Variants in AQP7 observed in about 807,000 individuals in gnomAD.
The protein encoded by AQP7 is aquaporin-7.
Under a neutral mutation model 26.1 loss-of-function variants are expected in AQP7, and 22 were observed. That is an observed-to-expected ratio of 0.84 (90% CI 0.60 to 1.20). The LOEUF is 1.20. AQP7 is among the 50% of genes most tolerant of loss of function. The pLI, the probability that AQP7 is intolerant of heterozygous loss-of-function variation, is 0.00. For missense variants in AQP7, 412 were observed against 457.5 expected (o/e 0.90, Z 0.91); for synonymous variants, 167 against 181.7 (o/e 0.92, Z 0.65).
In AQP7 at chr9:33,384,043, G is replaced by A. The variant is rs1297377023; in HGVS notation, c.*962C>T. The A allele has an allele frequency of 6.6e-6, 1 of 152,268 alleles. No homozygotes were observed. Among genetic ancestry groups the A allele is most frequent in the Non-Finnish European group, 1.5e-5 (1 of 68,078 alleles). The allele number at this position is 152,268 out of a possible 1,614,324, so 9.4% of individuals were successfully genotyped here. ...AGTAGATGCACAATAATTATTGAAA[G>A]GCAAAATGCATGAGCAAGGACAGGA... On this transcript the variant is annotated 3_prime_UTR_variant, in exon 8 of 8. Coordinates refer to ENST00000297988, the MANE Select transcript of AQP7 (RefSeq NM_001170.3).
Position 33,384,064 on chromosome 9 carries a change from C to G in AQP7, c.*941G>C, listed in dbSNP as rs921920650. On this transcript the variant is annotated 3_prime_UTR_variant, in exon 8 of 8. Coordinates refer to ENST00000297988, the MANE Select transcript of AQP7 (RefSeq NM_001170.3). ...GAAAGGCAAAATGCATGAGCAAGGA[C>G]AGGAACCATGGGTGATGCTGCCTTC... 3 of 152,298 alleles carry G rather than the reference C, an allele frequency of 2.0e-5. No homozygotes were observed. The highest frequency in any genetic ancestry group is 7.2e-5 in the African/African-American group (3 of 41,464). The allele number at this position is 152,298 out of a possible 1,614,324, so 9.4% of individuals were successfully genotyped here. A position where few individuals can be genotyped will look rare whatever the true frequency, so the allele number is the denominator to read the frequency against.
intron 2 of AQP7, among the ~76,000 whole-genome samples, chr9:33,398,468 G>T (rs1440086388): frequency 6.6e-6 from 1 of 152,238 alleles, no homozygotes; most frequent in Non-Finnish European, 1.5e-5. Context: ...GATGGGTGGA[G>T]AAGTGGCGGC....
At chr9:33,393,561 C>G (rs944619060) in intron 3 of AQP7, among the ~76,000 whole-genome samples, 1 of 152,220 alleles carries the variant, frequency 6.6e-6, no homozygotes, top group African/African-American at 2.4e-5. Flanking sequence ...AGAGGCTGCC[C>G]CTTCTTTCTC....
At chr9:33,394,551 G>A (rs1825692456) in intron 3 of AQP7, among the ~76,000 whole-genome samples, 1 of 146,764 alleles carries the variant, frequency 6.8e-6, no homozygotes, top group Admixed American at 6.9e-5. Flanking sequence ...AGGCTGGAGT[G>A]CAATGGTGTG....
At position 33,395,179 on chromosome 9, in the gene AQP7, T is replaced by C. The variant is rs758186124; in HGVS notation, c.43A>G (p.Lys15Glu). 6.2e-7 allele frequency: 1 copy of C among 1,613,940 alleles called. No homozygotes were observed. The highest frequency in any genetic ancestry group is 2.2e-5 in the East Asian group (1 of 44,872). Residue 15 changes from lysine to glutamate, a missense_variant, in exon 3 of 8, where the codon AAA becomes GAA. Transcript: ENST00000297988. Reference sequence around the variant, plus strand: ...GCTATCACGGACCAGGAGACCATTTTGGAGCCACGGGTGGACCTAAGACAG... The same window carrying C: ...GCTATCACGGACCAGGAGACCATTTCGGAGCCACGGGTGGACCTAAGACAG... ...SGHRRSTRGSKMVSWSVIAKI... is the reference protein window; with the variant it reads ...SGHRRSTRGSEMVSWSVIAKI...
chr9:33,401,551 C>T, intron 1 of AQP7: 1 of 506,608 alleles, frequency 2.0e-6, no homozygotes, highest in South Asian at 2.1e-5. Flanking sequence ...GTGTCTGCAG[C>T]CCGGCTTTGG....
At chr9:33,391,541 C>T (rs1339106856) in intron 3 of AQP7, 3 of 248,896 alleles carry the variant, frequency 1.2e-5, no homozygotes, top group East Asian at 1.2e-4. Context: ...TCCAACTCTC[C>T]CCCACAGCCA....
intron 3 of AQP7, among the ~76,000 whole-genome samples, chr9:33,387,822 C>T (rs2380984): frequency 0.01 from 1,528 of 152,110 alleles, 21 homozygotes; most frequent in East Asian, 0.044. Context: ...CATCCTCCCA[C>T]TGATCGGCTC....
At chr9:33,386,809 A>C (rs4008676) in intron 4 of AQP7, among the ~76,000 whole-genome samples, 160 bp downstream of exon 4, 1 of 150,794 alleles carries the variant, frequency 6.6e-6, no homozygotes, top group Non-Finnish European at 1.5e-5. Flanking sequence ...ATCTGGGGCA[A>C]ACACGTCATA....
chr9:33,396,687 A>C (rs1825877015), intron 2 of AQP7, among the ~76,000 whole-genome samples: 1 of 143,254 alleles, frequency 7.0e-6, no homozygotes, highest in East Asian at 2.0e-4. Context: ...TCTTTTCTTG[A>C]CCTAAATTTC....
At chr9:33,400,817 A>C (rs2118880982) in intron 2 of AQP7, among the ~76,000 whole-genome samples, 1 of 152,000 alleles carries the variant, frequency 6.6e-6, no homozygotes, top group Non-Finnish European at 1.5e-5. Flanking sequence ...AAAAAAAAAA[A>C]AACCTGAAAA....
intron 2 of AQP7, among the ~76,000 whole-genome samples, chr9:33,400,216 A>G (rs1826160840): frequency 6.6e-6 from 1 of 152,200 alleles, no homozygotes; most frequent in Non-Finnish European, 1.5e-5. Flanking sequence ...GCTGACAGCA[A>G]TGAAATGTAA....
At chr9:33,398,306 G>A (rs1314523130) in intron 2 of AQP7, among the ~76,000 whole-genome samples, 2 of 151,620 alleles carry the variant, frequency 1.3e-5, no homozygotes, top group Non-Finnish European at 2.9e-5. Flanking sequence ...AGGGCCAGGT[G>A]GCAGAAGGCC....
chr9:33,387,021 C>T lies in AQP7; in HGVS notation c.216G>A (p.Leu72=). 6.2e-7 allele frequency: 1 copy of T among 1,612,018 alleles called. No individual in the cohort carries two copies. The highest frequency in any genetic ancestry group is 8.5e-7 in the Non-Finnish European group (1 of 1,179,836). Residue 72 remains leucine (L), a synonymous_variant, in exon 4 of 8, where the codon TTG becomes TTA. Coordinates refer to ENST00000297988, the MANE Select transcript of AQP7 (RefSeq NM_001170.3). ...KKYGSYLGVN[L]GFGFGVTMGV... ...CCATGGTGACTCCGAAGCCAAAACC[C>T]AAGTTGACACCAAGGTAGCTCCCAT...
At position 33,385,095 on chromosome 9, in the gene AQP7, G is replaced by A; in HGVS notation, c.939C>T (p.Pro313=). The A allele has an allele frequency of 1.9e-6, 3 of 1,611,956 alleles. No individual in the cohort carries two copies. The highest frequency in any genetic ancestry group is 2.5e-6 in the Non-Finnish European group (3 of 1,179,836). The change falls in exon 8 of 8, where the codon CCC becomes CCT. Residue 313 remains proline (P), a synonymous_variant. Coordinates refer to ENST00000297988, the MANE Select transcript of AQP7 (RefSeq NM_001170.3). ...CAGGGCTCACAGAGACGGGGGTGAG[G>A]GGAGAGATCGTGGGTTCATGAGATC... ...KMGSHEPTIS[P]LTPVSVSPAN...
chr9:33,388,273 C>T (rs562730808), intron 3 of AQP7, among the ~76,000 whole-genome samples: 1 of 152,308 alleles, frequency 6.6e-6, no homozygotes, highest in African/African-American at 2.4e-5. Context: ...TCCCCATCCC[C>T]GTTGGCCGAG....
chr9:33,388,896 A>G (rs1825116496), intron 3 of AQP7, among the ~76,000 whole-genome samples: 1 of 151,912 alleles, frequency 6.6e-6, no homozygotes, highest in Non-Finnish European at 1.5e-5. Context: ...TTGCTCTATC[A>G]CCCAGGCTGG....
chr9:33,400,080 G>A (rs572479243), intron 2 of AQP7, among the ~76,000 whole-genome samples: 2 of 152,206 alleles, frequency 1.3e-5, no homozygotes, highest in East Asian at 3.9e-4. Flanking sequence ...ACACCAGTGG[G>A]TCTCTAGAAA....
chr9:33,386,611 C>T lies in AQP7; in HGVS notation c.269-70G>A. On this transcript the variant is annotated intron_variant, in intron 4 of 7. Transcript: ENST00000297988. ...ACAACAGTGACAAACAGTATGAGAA[C>T]AACGATGGCTAGTGTGTATGACAGC... The T allele has an allele frequency of 5.2e-6, 8 of 1,536,256 alleles. No homozygotes were observed. In the South Asian group the frequency reaches 8.3e-5, roughly 16 times the overall value.
Sources: allele counts gnomAD v4.1 joint callset (sites outside exome capture counted in the v4.1 genomes callset), GRCh38; gene constraint gnomAD v4.1.1; transcripts MANE v1.5; gene names NCBI Gene and HGNC (gene_info 2026-07-23, HGNC 2026-07-21).